FCRL6: variants seen among roughly 807,000 people sequenced by gnomAD.
The protein encoded by FCRL6 is Fc receptor like 6.
FCRL6 carries 50 observed loss-of-function variants against 49.1 expected under a neutral mutation model. The observed-to-expected ratio is 1.02, with a 90% CI of 0.81 to 1.29. The LOEUF (loss-of-function observed/expected upper bound fraction) is 1.29. Among genes scored for constraint, FCRL6 ranks in the 50% most tolerant of loss-of-function variants. The probability of loss-of-function intolerance (pLI) is 0.00; values close to 1 mark genes in which losing one functional copy is unlikely to be tolerated. For synonymous variants in FCRL6, 213 were observed against 199.6 expected, an observed-to-expected ratio of 1.07 and a Z score of -0.57; for missense variants, 571 against 518.5, an observed-to-expected ratio of 1.10 and a Z score of -0.98.
intron 8 of FCRL6, among the ~76,000 whole-genome samples, chr1:159,815,113 AT>A (rs148234878): frequency 0.012 from 1,804 of 152,294 alleles, 32 homozygotes; most frequent in African/African-American, 0.041. Context: ...TCAGTTCCTA[AT>A]CTGCAAAAAT....
In FCRL6 at chr1:159,809,068, T is replaced by C; in HGVS notation, c.427T>C (p.Leu143=). 6.2e-7 allele frequency: 1 copy of C among 1,614,064 alleles called. No individual in the cohort carries two copies. The highest frequency in any genetic ancestry group is 8.5e-7 in the Non-Finnish European group (1 of 1,179,962). ...AAAGCTGCACCCCCTGAGGTCAGCC[T>C]TGAGGCTCCTTTTCTCCTTCCACAA... ...QTKLHPLRSA[L]RLLFSFHKDG... is the part of the protein sequence containing the mutation. The change falls in exon 4 of 10, where the codon TTG becomes CTG. Residue 143 remains leucine, a synonymous_variant. Transcript: ENST00000368106.
At chr1:159,808,824 C>A in intron 3 of FCRL6, 137 bp from the exon 4 acceptor site, 2 of 825,086 alleles carry the variant, frequency 2.4e-6, no homozygotes, top group Non-Finnish European at 3.7e-6. Flanking sequence ...GGTAAGAGGA[C>A]GGGTCCTAGG....
intron 1 of FCRL6, 150 bp from the exon 2 acceptor site, chr1:159,806,446 T>G (rs1662687182): frequency 1.3e-6 from 1 of 751,752 alleles, no homozygotes; most frequent in Non-Finnish European, 2.4e-6. Context: ...GTTGGATGGT[T>G]GGATGGCTGT....
rs1557875638 is a variant in FCRL6, at chr1:159,809,492, G to A, written c.695G>A (p.Arg232Lys). The A allele has an allele frequency of 6.2e-7, 1 of 1,614,172 alleles. No individual in the cohort carries two copies. Among genetic ancestry groups the A allele is most frequent in the South Asian group, 1.1e-5 (1 of 91,082 alleles). The change falls in exon 5 of 10, where the codon AGG becomes AAG. Residue 232 changes from arginine (R) to lysine (K), a missense_variant. By Grantham distance (26) the Arg-to-Lys change is conservative. Transcript: ENST00000368106. ...GTGCAGCTCCTCTGTGAGGCACAGA[G>A]GGGCTCCCCTCCGATCCTGTATTCC... ...DMVQLLCEAQ[R>K]GSPPILYSFY...
intron 2 of FCRL6, among the ~76,000 whole-genome samples, chr1:159,806,821 G>C (rs1662722781): frequency 1.3e-5 from 2 of 152,120 alleles, no homozygotes; most frequent in Admixed American, 6.5e-5. Context: ...GTAGTCCTAG[G>C]GTGACACAAG....
At position 159,810,098 on chromosome 1, in the gene FCRL6, T is replaced by C. The variant is rs768104720; in HGVS notation, c.891T>C (p.Ser297=). 1.2e-6 allele frequency: 2 copies of C among 1,611,788 alleles called. No individual in the cohort carries two copies. The highest frequency in any genetic ancestry group is 4.5e-5 in the East Asian group (2 of 44,846). ...CCTTCTTCTCCCTGCTCCCAGGTTC[T>C]CAAGTCTTGTTCACTCCCGCCAGCA... is the stretch of plus-strand genomic sequence containing the variant. ...SEPKKLSLKG[S]QVLFTPASNW... is the part of the protein sequence containing the mutation. Residue 297 remains serine (S), a synonymous_variant, in exon 6 of 10, where the codon TCT becomes TCC. Transcript: ENST00000368106.
At position 159,803,575 on chromosome 1, in the gene FCRL6, C is replaced by T. The variant is rs116098959; in HGVS notation, c.31+1120C>T. ...CACACTGAGGCGGGGACAGGATAGC[C>T]TAATGCCTGGATATACTCCAGGCAG... On this transcript the variant is annotated intron_variant, in intron 1 of 9. Coordinates refer to ENST00000368106, the MANE Select transcript of FCRL6 (RefSeq NM_001004310.3). Among the ~76,000 whole-genome samples the T allele has an allele frequency of 7.4e-3, 1,121 of 152,266 alleles. 10 individuals are homozygous for T. Among genetic ancestry groups the T allele is most frequent in the African/African-American group, 0.025 (1,046 of 41,548 alleles).
chr1:159,808,374 C>A lies in FCRL6; in HGVS notation c.249C>A (p.Cys83Ter), dbSNP rs1448118034. The change falls in exon 3 of 10, where the codon TGC becomes TGA. Residue 83 changes from cysteine (C) to a stop codon, truncating the protein, a stop_gained. Transcript: ENST00000368106. LOFTEE classifies it high-confidence loss of function. The part of the protein sequence containing the change: ...ATVQSRGQYS[C>*]SGQVMYIPQT... ...TGCAGAGCCGTGGCCAGTACAGCTG[C>A]TCTGGGCAGGTGATGTATATTCCAC... 1 of 1,614,076 alleles carries A rather than the reference C, an allele frequency of 6.2e-7. No homozygotes were observed. The highest frequency in any genetic ancestry group is 8.5e-7 in the Non-Finnish European group (1 of 1,180,020).
chr1:159,808,626 G>T (rs561337804), intron 3 of FCRL6, 182 bp downstream of exon 3: 11 of 689,140 alleles, frequency 1.6e-5, no homozygotes, highest in Non-Finnish European at 2.7e-5. Flanking sequence ...CACCATGGGG[G>T]ACACATGTAG....
intron 6 of FCRL6, 109 bp from the exon 7 acceptor site, chr1:159,813,380 C>A: frequency 1.1e-6 from 1 of 933,562 alleles, no homozygotes; most frequent in Non-Finnish European, 1.7e-6. Flanking sequence ...ACCAAACCAG[C>A]CTCAAACCTC....
At chr1:159,812,190 C>T (rs948685434) in intron 6 of FCRL6, among the ~76,000 whole-genome samples, 5 of 152,192 alleles carry the variant, frequency 3.3e-5, no homozygotes, top group Non-Finnish European at 7.3e-5. Context: ...ATCTCAGAAT[C>T]TCAGGCGCAC....
chr1:159,811,295 A>C (rs1663076164), intron 6 of FCRL6, among the ~76,000 whole-genome samples: 2 of 152,170 alleles, frequency 1.3e-5, no homozygotes, highest in Admixed American at 1.3e-4. Flanking sequence ...TAGTGCTTCA[A>C]ATCCACCTAC....
chr1:159,809,463 C>T lies in FCRL6; in HGVS notation c.666C>T (p.Asp222=), dbSNP rs557324156. 5.6e-6 allele frequency: 9 copies of T among 1,613,990 alleles called. No individual in the cohort carries two copies. The highest frequency in any genetic ancestry group is 1.7e-4 in the Middle Eastern group (1 of 6,060). The change falls in exon 5 of 10, where the codon GAC becomes GAT. Residue 222 remains aspartate, a synonymous_variant. Coordinates refer to ENST00000368106, the MANE Select transcript of FCRL6 (RefSeq NM_001004310.3). ...HHGPADPAVG[D]MVQLLCEAQR... ...GGCCTGCTGACCCTGCTGTGGGGGA[C>T]ATGGTGCAGCTCCTCTGTGAGGCAC...
At chr1:159,807,223 C>T (rs1245116827) in intron 2 of FCRL6, among the ~76,000 whole-genome samples, 1 of 152,228 alleles carries the variant, frequency 6.6e-6, no homozygotes, top group Admixed American at 6.5e-5. Context: ...CGGTGAGCAT[C>T]GTTACTTCCA....
At chr1:159,813,581 G>C in intron 7 of FCRL6, 27 bp downstream of exon 7, 1 of 1,605,182 alleles carries the variant, frequency 6.2e-7, no homozygotes, top group Admixed American at 1.7e-5. Flanking sequence ...GGATGGTGGT[G>C]TGCCCATGTG....
chr1:159,810,053 A>G, intron 5 of FCRL6, 41 bp from the exon 6 acceptor site: 6 of 1,588,864 alleles, frequency 3.8e-6, no homozygotes, highest in South Asian at 2.3e-5. Context: ...TCCGAATTTT[A>G]TCTTCAGTGC....
rs537679761 is a variant in FCRL6, at chr1:159,808,212, G to A, written c.87G>A (p.Val29=). The change falls in exon 3 of 10, where the codon GTG becomes GTA. Residue 29 remains valine (V), a synonymous_variant. Transcript: ENST00000368106. ...WLYLQAWPNP[V]FEGDALTLRC... is the part of the protein sequence containing the mutation. ...ACCTCCAAGCCTGGCCAAACCCTGTGTTTGAAGGAGATGCCCTGACTCTGC... is the reference window on the plus strand; with the variant it reads ...ACCTCCAAGCCTGGCCAAACCCTGTATTTGAAGGAGATGCCCTGACTCTGC... 11 of 1,613,950 alleles carry A rather than the reference G, an allele frequency of 6.8e-6. No homozygotes were observed. In the African/African-American group the frequency reaches 1.1e-4, roughly 16 times the overall value.
chr1:159,813,424 T>C, intron 6 of FCRL6, 65 bp from the exon 7 acceptor site: 2 of 1,427,490 alleles, frequency 1.4e-6, no homozygotes, highest in Non-Finnish European at 2.0e-6. Flanking sequence ...CTCACAGCTT[T>C]CCTGTCCCCT....
upstream of FCRL6, chr1:159,800,540 A>G (rs1353055499): frequency 1.3e-6 from 2 of 1,505,298 alleles, no homozygotes; most frequent in African/African-American, 2.8e-5. Context: ...CAGCTGAACG[A>G]AGTTGAAGAC....
Sources: allele counts gnomAD v4.1 joint callset (sites outside exome capture counted in the v4.1 genomes callset), GRCh38; gene constraint gnomAD v4.1.1; transcripts MANE v1.5; gene names NCBI Gene and HGNC (gene_info 2026-07-23, HGNC 2026-07-21).